SCMH1: variants seen among roughly 807,000 people sequenced by gnomAD.
The protein encoded by SCMH1 is Scm polycomb group protein homolog 1.
In SCMH1, 37 loss-of-function variants were observed where a neutral mutation model predicts 70.8. That is an observed-to-expected ratio of 0.52 (90% CI 0.40 to 0.69). The LOEUF (loss-of-function observed/expected upper bound fraction) is 0.69, where lower values mean the gene tolerates loss of function less well. Among genes scored for constraint, SCMH1 ranks in the 30% least tolerant of loss-of-function variants. The probability of loss-of-function intolerance (pLI) is 0.00; values close to 1 mark genes in which losing one functional copy is unlikely to be tolerated. For synonymous variants in SCMH1, 292 were observed against 307.4 expected (o/e 0.95, Z 0.52); for missense variants, 607 against 827.3 (o/e 0.73, Z 3.27).
intron 8 of SCMH1, among the ~76,000 whole-genome samples, chr1:41,083,377 T>C (rs1389086865): frequency 1.3e-5 from 2 of 152,304 alleles, no homozygotes; most frequent in East Asian, 1.9e-4. Flanking sequence ...CATTCACAAT[T>C]GCTTCAAAGA....
At chr1:41,218,837 T>C (rs949285384) in intron 1 of SCMH1, among the ~76,000 whole-genome samples, 4 of 152,220 alleles carry the variant, frequency 2.6e-5, no homozygotes, top group South Asian at 2.1e-4. Flanking sequence ...CCATGTGTTA[T>C]ATAATTTGTC....
chr1:41,171,038 C>T (rs1646749869), intron 2 of SCMH1, among the ~76,000 whole-genome samples: 1 of 152,236 alleles, frequency 6.6e-6, no homozygotes, highest in Admixed American at 6.5e-5. Context: ...TAAATGGCAC[C>T]TCCATCACTT....
chr1:41,183,710 T>G (rs912819742), intron 2 of SCMH1, among the ~76,000 whole-genome samples: 1 of 152,150 alleles, frequency 6.6e-6, no homozygotes, highest in African/African-American at 2.4e-5. Flanking sequence ...AGAGAAAAAT[T>G]ACCCATATTA....
At chr1:41,158,414 C>T (rs1645740004) in intron 4 of SCMH1, among the ~76,000 whole-genome samples, 1 of 152,116 alleles carries the variant, frequency 6.6e-6, no homozygotes, top group Admixed American at 6.5e-5. Context: ...CTTGTGGAAA[C>T]TTACCAAAGA....
In SCMH1 at chr1:41,155,845, C is replaced by T. The variant is rs1027461366; in HGVS notation, c.107-4161G>A. 9.9e-5 allele frequency among the ~76,000 whole-genome samples: 15 copies of T among 151,874 alleles called. 1 individual carries two copies. The highest frequency in any genetic ancestry group is 2.9e-4 in the African/African-American group (12 of 41,346). ...AAAAGAAATACAAAAATTAGCTGGG[C>T]GTGGTGGCAGGCACCTATAATCCCA... On this transcript the variant is annotated intron_variant, in intron 4 of 14. Transcript: ENST00000337495.
intron 2 of SCMH1, among the ~76,000 whole-genome samples, chr1:41,176,031 G>A (rs1381063075): frequency 6.6e-6 from 1 of 151,540 alleles, no homozygotes; most frequent in East Asian, 1.9e-4. Flanking sequence ...TGAGCTACCA[G>A]TATACACAAA....
At chr1:41,180,011 C>T (rs1648259594) in intron 2 of SCMH1, among the ~76,000 whole-genome samples, 1 of 152,170 alleles carries the variant, frequency 6.6e-6, no homozygotes, top group African/African-American at 2.4e-5. Flanking sequence ...AAAAGCTTAT[C>T]CACCATGATC....
chr1:41,168,401 C>T lies in SCMH1; in HGVS notation c.14-6969G>A, dbSNP rs140047489. 3.9e-4 allele frequency among the ~76,000 whole-genome samples: 60 copies of T among 152,062 alleles called. No homozygotes were observed. The East Asian group carries it at 0.01, about 26-fold the overall frequency. On this transcript the variant is annotated intron_variant, in intron 2 of 14. Transcript: ENST00000337495. ...TTGATTTCATCGATCCTTTCTTCTG[C>T]TTCATTGAATCTGCTGTTGAATACC...
At chr1:41,203,057 A>G (rs1224007805) in intron 1 of SCMH1, among the ~76,000 whole-genome samples, 1 of 152,030 alleles carries the variant, frequency 6.6e-6, no homozygotes, top group Non-Finnish European at 1.5e-5. Context: ...AATGATTTTA[A>G]TAATGCATTT....
intron 2 of SCMH1, among the ~76,000 whole-genome samples, chr1:41,170,538 T>C (rs1646722155): frequency 6.6e-6 from 1 of 152,190 alleles, no homozygotes; most frequent in Non-Finnish European, 1.5e-5. Context: ...TTCTGCCACA[T>C]TGCTGACCCT....
At chr1:41,105,927 T>C (rs1292883370) in intron 8 of SCMH1, among the ~76,000 whole-genome samples, 2 of 151,154 alleles carry the variant, frequency 1.3e-5, no homozygotes, top group African/African-American at 4.9e-5. Context: ...CAGGCTGGAG[T>C]GCAGTGGCAC....
At chr1:41,080,046 CTT>C (rs1320545804) in intron 8 of SCMH1, among the ~76,000 whole-genome samples, 1 of 151,758 alleles carries the variant, frequency 6.6e-6, no homozygotes. Context: ...TTTTCTTACA[CTT>C]TGTTCATCTT....
intron 1 of SCMH1, among the ~76,000 whole-genome samples, chr1:41,228,623 A>C (rs896413533): frequency 6.6e-6 from 1 of 151,368 alleles, no homozygotes; most frequent in Non-Finnish European, 1.5e-5. Flanking sequence ...TTTCTACAAA[A>C]TAAAAAAAAA....
At chr1:41,140,294 AC>A (rs1482579854) in intron 6 of SCMH1, among the ~76,000 whole-genome samples, 1 of 88,510 alleles carries the variant, frequency 1.1e-5, no homozygotes, top group Admixed American at 1.2e-4. Context: ...TACCCCAATA[AC>A]TTTTTTTTTT....
intron 8 of SCMH1, among the ~76,000 whole-genome samples, chr1:41,094,341 T>C (rs1664494315): frequency 6.6e-6 from 1 of 152,174 alleles, no homozygotes; most frequent in South Asian, 2.1e-4. Flanking sequence ...GCAGTTTTAC[T>C]TACCATTGCT....
intron 8 of SCMH1, among the ~76,000 whole-genome samples, chr1:41,095,818 C>A (rs1023655270): frequency 2.0e-5 from 3 of 151,946 alleles, no homozygotes; most frequent in African/African-American, 7.3e-5. Context: ...TTTATCATAT[C>A]ATTATTAAAA....
At chr1:41,043,589 A>ATTTTTTTT (rs71062570) in intron 12 of SCMH1, 1 of 135,294 alleles carries the variant, frequency 7.4e-6, no homozygotes. Flanking sequence ...CGCCCGGCTA[A>ATTTTTTTT]TTTTTTTTTT....
intron 6 of SCMH1, among the ~76,000 whole-genome samples, chr1:41,134,644 A>T (rs1350266655): frequency 1.3e-5 from 2 of 152,314 alleles, no homozygotes; most frequent in Non-Finnish European, 2.9e-5. Flanking sequence ...AGAAGTTCTT[A>T]ATTTTGACAA....
At chr1:41,142,081 T>G (rs1369905607) in intron 6 of SCMH1, among the ~76,000 whole-genome samples, 1 of 152,214 alleles carries the variant, frequency 6.6e-6, no homozygotes, top group African/African-American at 2.4e-5. Context: ...GAGCATTCAC[T>G]ATGCTATTTT....
Sources: allele counts gnomAD v4.1 joint callset (sites outside exome capture counted in the v4.1 genomes callset), GRCh38; gene constraint gnomAD v4.1.1; transcripts MANE v1.5; gene names NCBI Gene and HGNC (gene_info 2026-07-23, HGNC 2026-07-21).